WWOX: variants seen among roughly 807,000 people sequenced by gnomAD.
WWOX encodes WW domain containing oxidoreductase.
A neutral mutation model predicts 46.2 loss-of-function variants in WWOX; 69 were observed. The observed-to-expected ratio is 1.49, with a 90% confidence interval of 1.23 to 1.82. The LOEUF (loss-of-function observed/expected upper bound fraction) is 1.82, where lower values mean the gene tolerates loss of function less well. Ranked by LOEUF, WWOX falls within the 40% of genes most tolerant of loss-of-function variation. The pLI is 0.00. For missense variants in WWOX, 919 were observed against 542.6 expected (o/e 1.69, Z -6.89); for synonymous variants, 359 against 202.6 (o/e 1.77, Z -6.56).
At chr16:78,929,354 G>T (rs1159315900) in intron 8 of WWOX, among the ~76,000 whole-genome samples, 1 of 151,640 alleles carries the variant, frequency 6.6e-6, no homozygotes, top group Non-Finnish European at 1.5e-5. Context: ...TCTATATAGT[G>T]CATATTTTTT....
At chr16:78,353,779 A>AG (rs5818131) in intron 5 of WWOX, among the ~76,000 whole-genome samples, 60,295 of 152,096 alleles carry the variant, frequency 0.4, 12,924 homozygotes, top group Non-Finnish European at 0.49. Context: ...CATCACCTGC[A>AG]GGCAGGATCT....
chr16:78,517,078 A>G (rs935662207), intron 8 of WWOX, among the ~76,000 whole-genome samples: 5 of 152,210 alleles, frequency 3.3e-5, no homozygotes, highest in Non-Finnish European at 5.9e-5. Flanking sequence ...AAAGTCTTCC[A>G]TGTGTTTTTT....
intron 8 of WWOX, among the ~76,000 whole-genome samples, chr16:78,877,147 G>A (rs2044249955): frequency 6.6e-6 from 1 of 152,140 alleles, no homozygotes; most frequent in Admixed American, 6.5e-5. Context: ...TGTTAATTTA[G>A]TCAGACGAGG....
chr16:78,793,012 G>A (rs944045983), intron 8 of WWOX, among the ~76,000 whole-genome samples: 1 of 152,042 alleles, frequency 6.6e-6, no homozygotes, highest in African/African-American at 2.4e-5. Context: ...CTTAAGATGC[G>A]GAATTTCCTT....
chr16:78,453,830 C>G lies in WWOX; in HGVS notation c.1056+21078C>G, dbSNP rs531051796. ...TTTATTGAAAGCCTTTTTACCAAAA[C>G]CATTTTTTTTTATTTTATAGTGAAG... is the stretch of plus-strand genomic sequence containing the variant. On this transcript the variant is annotated intron_variant, in intron 8 of 8. Transcript: ENST00000566780. Among the ~76,000 whole-genome samples, 11 of 142,848 alleles carry G rather than the reference C, an allele frequency of 7.7e-5. No homozygotes were observed. In the South Asian group the frequency reaches 2.5e-3, roughly 32 times the overall value. The allele number at this position is 142,848 out of a possible 152,430, so 93.7% of individuals were successfully genotyped here. A position where few individuals can be genotyped will look rare whatever the true frequency, so the allele number is the denominator to read the frequency against.
chr16:78,627,908 A>G (rs1567447426), intron 8 of WWOX, among the ~76,000 whole-genome samples: 1 of 152,252 alleles, frequency 6.6e-6, no homozygotes, highest in Non-Finnish European at 1.5e-5. Flanking sequence ...GGCGTTGGCC[A>G]GAACTTGTCT....
In WWOX at chr16:78,899,502, A is replaced by C. The variant is rs1051888212; in HGVS notation, c.1057-312106A>C. The C allele has an allele frequency of 3.3e-5, 5 of 152,168 alleles. No individual in the cohort carries two copies. The South Asian group carries it at 8.3e-4, about 25-fold the overall frequency. The allele number at this position is 152,168 out of a possible 1,614,324, so 9.4% of individuals were successfully genotyped here. On this transcript the variant is annotated intron_variant, in intron 8 of 8. Coordinates refer to ENST00000566780, the MANE Select transcript of WWOX (RefSeq NM_016373.4). ...GACTGATACACAGTGAGTTCTCCATAAATGTTAGTTATTATTTTAATATTA... is the reference window on the plus strand; with the variant it reads ...GACTGATACACAGTGAGTTCTCCATCAATGTTAGTTATTATTTTAATATTA...
At chr16:78,805,398 C>A (rs1338005568) in intron 8 of WWOX, among the ~76,000 whole-genome samples, 2 of 151,750 alleles carry the variant, frequency 1.3e-5, no homozygotes, top group Non-Finnish European at 2.9e-5. Context: ...GTAGCTGGGA[C>A]TACAGGCACC....
chr16:78,618,904 A>C (rs963591403), intron 8 of WWOX, among the ~76,000 whole-genome samples: 2 of 151,192 alleles, frequency 1.3e-5, no homozygotes, highest in African/African-American at 4.9e-5. Context: ...TCCAAGTAGG[A>C]GGCCTTGGAG....
chr16:78,286,905 G>A (rs1454863343), intron 5 of WWOX, among the ~76,000 whole-genome samples: 1 of 152,044 alleles, frequency 6.6e-6, no homozygotes, highest in Non-Finnish European at 1.5e-5. Flanking sequence ...AAAATGTCCT[G>A]CAGATTTTAA....
intron 8 of WWOX, among the ~76,000 whole-genome samples, chr16:78,603,693 A>G (rs143042085): frequency 1.3e-5 from 2 of 152,238 alleles, no homozygotes; most frequent in East Asian, 3.9e-4. Flanking sequence ...GACACTCTCA[A>G]AATAAGTAAA....
intron 8 of WWOX, among the ~76,000 whole-genome samples, chr16:78,534,766 G>T (rs956344323): frequency 6.6e-6 from 1 of 151,882 alleles, no homozygotes; most frequent in Non-Finnish European, 1.5e-5. Context: ...CTGGAGTGCA[G>T]TGGCACAATC....
intron 5 of WWOX, among the ~76,000 whole-genome samples, chr16:78,381,307 A>G (rs1202229963): frequency 6.6e-6 from 1 of 152,366 alleles, no homozygotes; most frequent in South Asian, 2.1e-4. Context: ...CTCTTGAGTC[A>G]CTAACACAGG....
intron 5 of WWOX, among the ~76,000 whole-genome samples, chr16:78,359,953 C>T (rs1015136847): frequency 6.6e-6 from 1 of 152,092 alleles, no homozygotes; most frequent in Non-Finnish European, 1.5e-5. Context: ...TGCAAATTTG[C>T]CTTCACTATT....
At chr16:78,907,380 G>A (rs1216888347) in intron 8 of WWOX, among the ~76,000 whole-genome samples, 2 of 152,222 alleles carry the variant, frequency 1.3e-5, no homozygotes, top group Non-Finnish European at 1.5e-5. Context: ...TGCAAATCTT[G>A]TAACCTCTGG....
At chr16:78,991,600 C>CACAAAAAA (rs533147698) in intron 8 of WWOX, among the ~76,000 whole-genome samples, 1 of 78,166 alleles carries the variant, frequency 1.3e-5, no homozygotes, top group African/African-American at 4.9e-5. Flanking sequence ...GACCTTGTCT[C>CACAAAAAA]AAAAAAAAAA....
At position 78,483,278 on chromosome 16, in the gene WWOX, G is replaced by T. The variant is rs372649785; in HGVS notation, c.1056+50526G>T. ...AAATGGATTTACTCTCAAGAAAGTT[G>T]CATGTCACTTTACTTGGAAGAGACG... On this transcript the variant is annotated intron_variant, in intron 8 of 8. Transcript: ENST00000566780. 7.9e-4 allele frequency among the ~76,000 whole-genome samples: 120 copies of T among 152,146 alleles called. No individual in the cohort carries two copies. In the East Asian group the frequency reaches 0.01, roughly 13 times the overall value.
At chr16:78,665,686 G>T (rs984585604) in intron 8 of WWOX, among the ~76,000 whole-genome samples, 7 of 152,066 alleles carry the variant, frequency 4.6e-5, no homozygotes, top group Admixed American at 1.3e-4. Context: ...AACATTAATT[G>T]TGCTTCTCTG....
rs187025695 is a variant in WWOX at position 78,868,660 on chromosome 16, A to G, written c.1057-342948A>G. Among the ~76,000 whole-genome samples the G allele has an allele frequency of 7.2e-5, 11 of 152,300 alleles. No individual in the cohort carries two copies. In the East Asian group the frequency reaches 1.5e-3, roughly 21 times the overall value. On this transcript the variant is annotated intron_variant, in intron 8 of 8. Coordinates refer to ENST00000566780, the MANE Select transcript of WWOX (RefSeq NM_016373.4). ...GACAAATTCTGTTACTATCTGTCCA[A>G]CAGTTTAGCAAGAGTCACTCTGAGA...
Sources: allele counts gnomAD v4.1 joint callset (sites outside exome capture counted in the v4.1 genomes callset), GRCh38; gene constraint gnomAD v4.1.1; transcripts MANE v1.5; gene names NCBI Gene and HGNC (gene_info 2026-07-23, HGNC 2026-07-21).